Variants in VRK2 observed in about 807,000 individuals in gnomAD.
VRK2 encodes the protein serine/threonine-protein kinase VRK2.
A neutral mutation model predicts 57.6 loss-of-function variants in VRK2; 60 were observed. The ratio of observed to expected loss-of-function variants is 1.04; its 90% confidence interval spans 0.85 to 1.29. The LOEUF (loss-of-function observed/expected upper bound fraction) is 1.29. Among genes scored for constraint, VRK2 ranks in the 50% most tolerant of loss-of-function variants. The pLI is 0.00. For missense variants in VRK2, 705 were observed against 588.1 expected (o/e 1.20, Z -2.06); for synonymous variants, 231 against 199.2 (o/e 1.16, Z -1.35).
intron 10 of VRK2, among the ~76,000 whole-genome samples, chr2:58,135,703 A>T (rs1277801627): frequency 6.6e-6 from 1 of 152,156 alleles, no homozygotes; most frequent in African/African-American, 2.4e-5. Flanking sequence ...AAGGCATATG[A>T]TTTTGGGATT....
chr2:58,157,504 AG>A (rs1343296828), intron 12 of VRK2, among the ~76,000 whole-genome samples: 4 of 152,188 alleles, frequency 2.6e-5, no homozygotes, highest in African/African-American at 4.8e-5. Flanking sequence ...TCTGTGGGGC[AG>A]GATCAACCCA....
chr2:57,918,371 T>C (rs1670224010), intron 1 of VRK2, among the ~76,000 whole-genome samples: 1 of 152,046 alleles, frequency 6.6e-6, no homozygotes, highest in Non-Finnish European at 1.5e-5. Flanking sequence ...AATCCTACTT[T>C]GTGCATATAA....
intron 12 of VRK2, among the ~76,000 whole-genome samples, chr2:58,150,746 T>G (rs1274882471): frequency 6.6e-6 from 1 of 151,466 alleles, no homozygotes; most frequent in East Asian, 1.9e-4. Flanking sequence ...TCCTTCATTT[T>G]TTTTCTAACG....
intron 2 of VRK2, among the ~76,000 whole-genome samples, chr2:58,050,283 A>G (rs758673304): frequency 4.6e-5 from 7 of 152,206 alleles, no homozygotes; most frequent in Non-Finnish European, 7.3e-5. Context: ...TTCAAAATCC[A>G]AGGTGTATCT....
intron 10 of VRK2, among the ~76,000 whole-genome samples, chr2:58,139,259 A>T (rs1367217580): frequency 1.3e-5 from 2 of 152,142 alleles, no homozygotes; most frequent in Non-Finnish European, 2.9e-5. Context: ...AGAAATAAAG[A>T]GGTTTATAAT....
chr2:58,100,685 A>G (rs1477050092), intron 7 of VRK2, among the ~76,000 whole-genome samples: 1 of 151,844 alleles, frequency 6.6e-6, no homozygotes, highest in Non-Finnish European at 1.5e-5. Flanking sequence ...TCTTTGTCTC[A>G]GTATAACTAT....
At chr2:58,047,148 T>C in intron 1 of VRK2, 2 of 324,036 alleles carry the variant, frequency 6.2e-6, no homozygotes, top group Non-Finnish European at 8.9e-6. Flanking sequence ...GTTTCTCTTT[T>C]TGCCGGTGCA....
At chr2:58,139,549 TTTC>T in intron 10 of VRK2, 114 bp from the exon 11 acceptor site, 1 of 838,762 alleles carries the variant, frequency 1.2e-6, no homozygotes, top group East Asian at 2.6e-5. Flanking sequence ...TCATTTTTAG[TTTC>T]TTCAGGAGAT....
intron 8 of VRK2, among the ~76,000 whole-genome samples, chr2:58,127,665 C>G (rs1363432777): frequency 6.6e-6 from 1 of 152,210 alleles, no homozygotes; most frequent in Non-Finnish European, 1.5e-5. Context: ...AGTCACCATT[C>G]ACTTTGTCAG....
At chr2:58,116,998 CT>C (rs1320005403) in intron 7 of VRK2, among the ~76,000 whole-genome samples, 1 of 151,524 alleles carries the variant, frequency 6.6e-6, no homozygotes, top group Non-Finnish European at 1.5e-5. Flanking sequence ...GGAGTTGCAA[CT>C]TTTTTTTTAT....
intron 2 of VRK2, among the ~76,000 whole-genome samples, chr2:58,072,169 C>G (rs1164372654): frequency 6.6e-6 from 1 of 151,828 alleles, no homozygotes; most frequent in East Asian, 1.9e-4. Context: ...GGAGTTTTTT[C>G]TTTGATTCTT....
At chr2:58,115,861 G>T (rs964353200) in intron 7 of VRK2, among the ~76,000 whole-genome samples, 11 of 152,196 alleles carry the variant, frequency 7.2e-5, no homozygotes, top group African/African-American at 2.4e-4. Flanking sequence ...GCAAAGAGAG[G>T]CTGGGATGAA....
At chr2:57,939,149 C>G (rs997923731) in intron 1 of VRK2, among the ~76,000 whole-genome samples, 1 of 152,180 alleles carries the variant, frequency 6.6e-6, no homozygotes, top group African/African-American at 2.4e-5. Flanking sequence ...GGAGCCAGTT[C>G]TCTTAGTTTC....
intron 1 of VRK2, among the ~76,000 whole-genome samples, chr2:58,004,489 C>T (rs1032913056): frequency 1.9e-4 from 29 of 152,058 alleles, no homozygotes; most frequent in African/African-American, 7.0e-4. Context: ...TGAAACAAAT[C>T]TAGGCATTAT....
At chr2:58,097,398 A>G (rs1673303448) in intron 7 of VRK2, among the ~76,000 whole-genome samples, 1 of 151,844 alleles carries the variant, frequency 6.6e-6, no homozygotes, top group Admixed American at 6.6e-5. Flanking sequence ...GTTTTTTTAA[A>G]TCTTTCAAGT....
At chr2:58,137,378 G>T (rs1680703448) in intron 10 of VRK2, among the ~76,000 whole-genome samples, 1 of 151,292 alleles carries the variant, frequency 6.6e-6, no homozygotes, top group Non-Finnish European at 1.5e-5. Flanking sequence ...ACAAATGCTT[G>T]TGGGCAGTGT....
chr2:58,071,463 A>G (rs1669349165), intron 2 of VRK2, among the ~76,000 whole-genome samples: 1 of 151,908 alleles, frequency 6.6e-6, no homozygotes, highest in Non-Finnish European at 1.5e-5. Flanking sequence ...ATCCATTTTG[A>G]GTTAATTTTT....
rs1283898468 is a variant in VRK2, at chr2:58,113,804, G to GTA, written c.544-9294_544-9293dup. On this transcript the variant is annotated intron_variant, in intron 7 of 12. Transcript: ENST00000340157. ...CTTCAGTTACTTAGGCCATCTGGGC[G>GTA]TATACCTGCAACTCACAGGGGATGC... Among the ~76,000 whole-genome samples, 133 of 152,318 alleles carry GTA rather than the reference G, an allele frequency of 8.7e-4. 1 individual carries two copies. The highest frequency in any genetic ancestry group is 3.0e-3 in the African/African-American group (123 of 41,562).
intron 1 of VRK2, among the ~76,000 whole-genome samples, chr2:57,930,825 T>TTC (rs2103930923): frequency 6.6e-6 from 1 of 152,284 alleles, no homozygotes; most frequent in South Asian, 2.1e-4. Flanking sequence ...ATACCACATA[T>TTC]AAGAGATATC....
Sources: allele counts gnomAD v4.1 joint callset (sites outside exome capture counted in the v4.1 genomes callset), GRCh38; gene constraint gnomAD v4.1.1; transcripts MANE v1.5; gene names NCBI Gene and HGNC (gene_info 2026-07-23, HGNC 2026-07-21).